SMIM20: variants seen among roughly 807,000 people sequenced by gnomAD.
The protein encoded by SMIM20 is mitochondrial translation regulation assembly intermediate of cytochrome c oxidase protein of 7 kDa.
A neutral mutation model predicts 8.7 loss-of-function variants in SMIM20; 3 were observed. The ratio of observed to expected loss-of-function variants is 0.34; its 90% CI spans 0.16 to 0.89. The LOEUF (loss-of-function observed/expected upper bound fraction) is 0.89, where lower values mean the gene tolerates loss of function less well. SMIM20 is among the 40% of genes least tolerant of loss of function. The probability of loss-of-function intolerance (pLI) is 0.49; values close to 1 mark genes in which losing one functional copy is unlikely to be tolerated. For synonymous variants in SMIM20, 44 were observed against 33.6 expected (o/e 1.31, Z -1.07); for missense variants, 85 against 84.8 (o/e 1.00, Z -0.01).
intron 1 of SMIM20, among the ~76,000 whole-genome samples, chr4:25,926,971 T>G (rs1277988857): frequency 1.3e-5 from 2 of 152,230 alleles, no homozygotes; most frequent in Admixed American, 6.5e-5. Context: ...ATGGTGGGGC[T>G]CAGTTCTACA....
chr4:25,915,835 TG>T (rs1176305297), intron 1 of SMIM20, among the ~76,000 whole-genome samples: 1 of 128,582 alleles, frequency 7.8e-6, no homozygotes, highest in Admixed American at 8.9e-5. Flanking sequence ...GAGACATTTT[TG>T]CTTGTCACAA....
At chr4:25,923,020 A>C (rs990669598) in intron 1 of SMIM20, among the ~76,000 whole-genome samples, 1 of 152,224 alleles carries the variant, frequency 6.6e-6, no homozygotes, top group African/African-American at 2.4e-5. Context: ...TTCTTTCGTT[A>C]ACTTAGCAAG....
Position 25,914,435 on chromosome 4 carries a change from TA to T in SMIM20, c.109+15del. ...TTGGAGGAGTACAGTGAGTGATCTC[TA>T]ACCCCTTGCGGTGACCTGACTCCCC... is the stretch of plus-strand genomic sequence containing the variant. On this transcript the variant is annotated intron_variant, in intron 1 of 2. Coordinates refer to ENST00000506197, the MANE Select transcript of SMIM20 (RefSeq NM_001145432.3). The T allele has an allele frequency of 6.8e-7, 1 of 1,463,150 alleles. No homozygotes were observed. 90.6% of individuals were successfully genotyped at this position (1,463,150 alleles called of 1,614,324 possible).
chr4:25,915,160 GT>G (rs1169377182), intron 1 of SMIM20, among the ~76,000 whole-genome samples: 1 of 151,814 alleles, frequency 6.6e-6, no homozygotes, highest in East Asian at 1.9e-4. Flanking sequence ...TGTTTCCTTC[GT>G]TTTAAGCCGA....
At chr4:25,928,943 G>A (rs1025519646) in intron 2 of SMIM20, among the ~76,000 whole-genome samples, 1 of 152,092 alleles carries the variant, frequency 6.6e-6, no homozygotes, top group Admixed American at 6.5e-5. Context: ...CTGCTATGGG[G>A]TACAATTCCT....
chr4:25,915,864 G>C (rs79068461), intron 1 of SMIM20, among the ~76,000 whole-genome samples: 4,169 of 126,794 alleles, frequency 0.033, 260 homozygotes, highest in Non-Finnish European at 0.051. Flanking sequence ...TGGGGCGGGG[G>C]GGGGGTCGAG....
At chr4:25,928,435 G>A (rs1711566228) in intron 2 of SMIM20, 66 bp downstream of exon 2, 3 of 1,487,616 alleles carry the variant, frequency 2.0e-6, no homozygotes, top group African/African-American at 2.8e-5. Flanking sequence ...GGGTTTGTGT[G>A]TGTTTGCCTT....
chr4:25,925,467 C>A (rs1332437700), intron 1 of SMIM20, among the ~76,000 whole-genome samples: 1 of 152,098 alleles, frequency 6.6e-6, no homozygotes. Context: ...GAACTCTTGA[C>A]CTCAGGTGAT....
intron 1 of SMIM20, among the ~76,000 whole-genome samples, chr4:25,917,514 G>C (rs922426727): frequency 6.6e-6 from 1 of 152,216 alleles, no homozygotes; most frequent in Non-Finnish European, 1.5e-5. Context: ...AGGTGTTCAT[G>C]ATCAGGTCAT....
chr4:25,925,229 A>T (rs545341230), intron 1 of SMIM20, among the ~76,000 whole-genome samples: 1 of 151,972 alleles, frequency 6.6e-6, no homozygotes, highest in Non-Finnish European at 1.5e-5. Context: ...CTTTTATTTT[A>T]TTTTATTTTT....
At chr4:25,922,994 T>A (rs1719225616) in intron 1 of SMIM20, among the ~76,000 whole-genome samples, 1 of 152,242 alleles carries the variant, frequency 6.6e-6, no homozygotes, top group African/African-American at 2.4e-5. Context: ...ATTTTGGCGT[T>A]CAGCATGATC....
At chr4:25,918,430 A>G (rs1330913646) in intron 1 of SMIM20, among the ~76,000 whole-genome samples, 1 of 152,132 alleles carries the variant, frequency 6.6e-6, no homozygotes, top group East Asian at 1.9e-4. Context: ...TTTTCTAATT[A>G]TCATTATATA....
chr4:25,917,932 AGTTTTTTTTTTTT>A (rs747324613), intron 1 of SMIM20, among the ~76,000 whole-genome samples: 3 of 144,312 alleles, frequency 2.1e-5, no homozygotes, highest in African/African-American at 5.2e-5. Context: ...GGTACAGGTC[AGTTTTTTTTTTTT>A]GTTTTTTTTT....
intron 1 of SMIM20, among the ~76,000 whole-genome samples, chr4:25,924,863 G>T (rs998356343): frequency 4.6e-5 from 7 of 152,148 alleles, no homozygotes; most frequent in African/African-American, 1.7e-4. Flanking sequence ...AATGGAAAAT[G>T]CTCCAAAATC....
intron 1 of SMIM20, among the ~76,000 whole-genome samples, chr4:25,917,102 A>G (rs1719104723): frequency 6.6e-6 from 1 of 152,134 alleles, no homozygotes; most frequent in South Asian, 2.1e-4. Context: ...TACTTACACA[A>G]GGACCTACAG....
chr4:25,916,793 C>T (rs904261877), intron 1 of SMIM20, among the ~76,000 whole-genome samples: 11 of 152,066 alleles, frequency 7.2e-5, no homozygotes, highest in Non-Finnish European at 1.3e-4. Flanking sequence ...TCACCTCAAG[C>T]GATCCTCCTG....
intron 1 of SMIM20, among the ~76,000 whole-genome samples, chr4:25,927,983 T>C (rs1051058326): frequency 2.0e-5 from 3 of 152,380 alleles, no homozygotes; most frequent in East Asian, 1.9e-4. Context: ...CCTCGTGATA[T>C]CACGCCCACC....
intron 1 of SMIM20, among the ~76,000 whole-genome samples, chr4:25,925,255 G>A (rs921356417): frequency 3.3e-5 from 5 of 151,034 alleles, no homozygotes; most frequent in Middle Eastern, 3.4e-3. Flanking sequence ...TTTCTTTTTT[G>A]AGACAGAGTT....
chr4:25,917,974 G>C (rs1490466841), intron 1 of SMIM20, among the ~76,000 whole-genome samples: 2 of 131,198 alleles, frequency 1.5e-5, no homozygotes, highest in Admixed American at 9.0e-5. Context: ...ACAGAGTCTC[G>C]CTCTTTCGCC....
Sources: gnomAD v4.1 joint callset for allele counts (sites outside exome capture counted in the v4.1 genomes callset) on GRCh38, gnomAD v4.1.1 for gene constraint, MANE v1.5 for transcripts, NCBI Gene and HGNC (gene_info 2026-07-23, HGNC 2026-07-21) for gene names.